Variants in TRAK1 observed in about 807,000 individuals in gnomAD.
The protein encoded by TRAK1 is trafficking kinesin protein 1.
TRAK1 carries 33 observed loss-of-function variants against 92.1 expected under a neutral mutation model. The ratio of observed to expected loss-of-function variants is 0.36; its 90% CI spans 0.27 to 0.48. The LOEUF (loss-of-function observed/expected upper bound fraction) is 0.48. Ranked by LOEUF, TRAK1 falls within the 20% of genes least tolerant of loss-of-function variation. The probability of loss-of-function intolerance (pLI) is 0.99; values close to 1 mark genes in which losing one functional copy is unlikely to be tolerated. For missense variants in TRAK1, 1,123 were observed against 1,257.9 expected (o/e 0.89, Z 1.62); for synonymous variants, 521 against 517.3 (o/e 1.01, Z -0.10).
At chr3:42,039,963 G>A (rs186008033) in intron 1 of TRAK1, among the ~76,000 whole-genome samples, 4 of 152,178 alleles carry the variant, frequency 2.6e-5, no homozygotes, top group Admixed American at 6.5e-5. Flanking sequence ...ATTTCAGGAC[G>A]GCTGATGATG....
chr3:42,079,474 C>CTTTTTTTTTTTTTT (rs374173062), intron 1 of TRAK1, among the ~76,000 whole-genome samples: 3 of 133,942 alleles, frequency 2.2e-5, no homozygotes, highest in Non-Finnish European at 3.1e-5. Context: ...GAAGCTCCTT[C>CTTTTTTTTTTTTTT]TTCTTTTTTT....
chr3:42,107,991 A>G (rs1045453456), intron 1 of TRAK1, among the ~76,000 whole-genome samples: 2 of 151,930 alleles, frequency 1.3e-5, no homozygotes, highest in Admixed American at 6.6e-5. Flanking sequence ...TCTGAATTCC[A>G]GGATGTAGGG....
intron 1 of TRAK1, among the ~76,000 whole-genome samples, chr3:42,026,442 A>G (rs1049257327): frequency 1.3e-5 from 2 of 151,772 alleles, no homozygotes; most frequent in Non-Finnish European, 2.9e-5. Flanking sequence ...TTTACATACC[A>G]ATTTGTGTGT....
chr3:42,040,793 C>A (rs993724383), intron 1 of TRAK1, among the ~76,000 whole-genome samples: 1 of 152,052 alleles, frequency 6.6e-6, no homozygotes, highest in African/African-American at 2.4e-5. Flanking sequence ...GTTCTCCTGC[C>A]TCAGCCTCCT....
rs549213141 is a variant in TRAK1 at position 42,044,438 on chromosome 3, AGAAGTGAGCCATTGT to A, written c.-519+30323_-519+30337del. 1.1e-3 allele frequency among the ~76,000 whole-genome samples: 163 copies of A among 152,380 alleles called. 6 individuals carry two copies. The South Asian group carries it at 0.033, about 31-fold the overall frequency. On this transcript the variant is annotated intron_variant, in intron 1 of 16. Coordinates refer to the TRAK1 transcript ENST00000487159. ...CGGTCTCCCAAAGTGCTGGGAATAC[AGAAGTGAGCCATTGT>A]GCCTAGCCCATTGTATTTTCTTGAA...
intron 1 of TRAK1, among the ~76,000 whole-genome samples, chr3:42,036,870 T>G (rs1288356227): frequency 6.6e-6 from 1 of 152,212 alleles, no homozygotes; most frequent in Non-Finnish European, 1.5e-5. Context: ...CTACCTCAGC[T>G]TCCTGAGTAG....
At chr3:42,058,653 C>T (rs541614125) in intron 1 of TRAK1, among the ~76,000 whole-genome samples, 12 of 152,262 alleles carry the variant, frequency 7.9e-5, no homozygotes, top group Admixed American at 5.2e-4. Context: ...CTGGAGGGAA[C>T]CTTTAAAGTC....
intron 1 of TRAK1, among the ~76,000 whole-genome samples, chr3:42,046,529 A>T (rs1397665042): frequency 2.0e-5 from 3 of 151,966 alleles, no homozygotes; most frequent in Admixed American, 2.0e-4. Flanking sequence ...TTCTGGAGGG[A>T]TTTATTGGCT....
chr3:42,131,903 A>T (rs1259755846), intron 2 of TRAK1, among the ~76,000 whole-genome samples: 11 of 11,780 alleles, frequency 9.3e-4, no homozygotes, highest in African/African-American at 1.4e-3. Flanking sequence ...ACAAAAAATT[A>T]AAAAAAAAAA....
chr3:42,023,577 A>G (rs952853669), intron 1 of TRAK1, among the ~76,000 whole-genome samples: 4 of 151,934 alleles, frequency 2.6e-5, no homozygotes, highest in Non-Finnish European at 4.4e-5. Flanking sequence ...GTAGATGTTT[A>G]AGAGATAAGC....
intron 2 of TRAK1, among the ~76,000 whole-genome samples, chr3:42,127,853 A>G (rs1276379522): frequency 6.6e-6 from 1 of 152,180 alleles, no homozygotes; most frequent in African/African-American, 2.4e-5. Context: ...TTACTCCATG[A>G]CACTGAGCCA....
chr3:42,071,749 T>C (rs1274485586), intron 1 of TRAK1, among the ~76,000 whole-genome samples: 1 of 151,718 alleles, frequency 6.6e-6, no homozygotes, highest in Non-Finnish European at 1.5e-5. Flanking sequence ...CCCCTTTTCT[T>C]TCTCCCCCAG....
intron 1 of TRAK1, among the ~76,000 whole-genome samples, chr3:42,063,680 T>C (rs1379600271): frequency 6.9e-6 from 1 of 144,642 alleles, no homozygotes; most frequent in African/African-American, 2.5e-5. Context: ...AGTGAGACTC[T>C]GTCTCCAAAA....
chr3:42,181,957 T>C (rs969830674), intron 3 of TRAK1, among the ~76,000 whole-genome samples: 10 of 88,772 alleles, frequency 1.1e-4, no homozygotes, highest in Admixed American at 7.8e-4. Context: ...ATAAGGTACC[T>C]TTTTTTTTTT....
chr3:42,116,481 C>T (rs1346047003), intron 1 of TRAK1, among the ~76,000 whole-genome samples: 6 of 152,254 alleles, frequency 3.9e-5, no homozygotes, highest in Non-Finnish European at 7.3e-5. Context: ...CAAAGTATCA[C>T]ATACATCTCC....
chr3:42,050,421 C>T (rs759402877), intron 1 of TRAK1, among the ~76,000 whole-genome samples: 8 of 152,134 alleles, frequency 5.3e-5, no homozygotes, highest in Middle Eastern at 3.4e-3. Context: ...TCAGTCCTCC[C>T]GTTTTTAGCT....
At chr3:42,050,218 T>G (rs1310489384) in intron 1 of TRAK1, among the ~76,000 whole-genome samples, 1 of 152,102 alleles carries the variant, frequency 6.6e-6, no homozygotes, top group African/African-American at 2.4e-5. Context: ...CTTACACTGC[T>G]AAGTATAGAT....
chr3:42,055,842 C>T (rs987858268), intron 1 of TRAK1, among the ~76,000 whole-genome samples: 9 of 152,170 alleles, frequency 5.9e-5, no homozygotes, highest in Non-Finnish European at 1.2e-4. Flanking sequence ...CCATTTCCCC[C>T]AATCCTCTAG....
exon 1 of TRAK1, chr3:42,014,063 G>C (rs1226305601): frequency 6.8e-6 from 1 of 147,900 alleles, no homozygotes; most frequent in African/African-American, 2.4e-5. Flanking sequence ...AGCCCCCACC[G>C]AGGCCCCCCG....
Sources: gnomAD v4.1 joint callset for allele counts (sites outside exome capture counted in the v4.1 genomes callset) on GRCh38, gnomAD v4.1.1 for gene constraint, MANE v1.5 for transcripts, NCBI Gene and HGNC (gene_info 2026-07-23, HGNC 2026-07-21) for gene names.